The following RAB11FIP4 variants were observed in gnomAD, a reference collection of about 807,000 sequenced individuals.
The protein encoded by RAB11FIP4 is rab11 family-interacting protein 4.
A neutral mutation model predicts 74.3 loss-of-function variants in RAB11FIP4; 23 were observed. The ratio of observed to expected loss-of-function variants is 0.31; its 90% CI spans 0.22 to 0.44. RAB11FIP4 has a LOEUF of 0.44. RAB11FIP4 is among the 20% of genes least tolerant of loss of function. RAB11FIP4 has a pLI of 1.00. For missense variants in RAB11FIP4, 630 were observed against 863.9 expected (o/e 0.73, Z 3.39); for synonymous variants, 360 against 359.9 (o/e 1.00, Z 0.00).
rs66665633 is a variant in RAB11FIP4, at chr17:31,436,753, G to GT, written c.336+2641dup. ...TTTGTTGCTTTGGGTTTTGTTTTTT[G>GT]TTTTTTTTTTGTTTTTTTTTGTTTT... On this transcript the variant is annotated intron_variant, in intron 3 of 14. Coordinates refer to ENST00000621161, the MANE Select transcript of RAB11FIP4 (RefSeq NM_032932.6). Among the ~76,000 whole-genome samples, 97 of 145,990 alleles carry GT rather than the reference G, an allele frequency of 6.6e-4. 1 individual carries two copies. Among genetic ancestry groups the GT allele is most frequent in the Admixed American group, 2.2e-3 (32 of 14,746 alleles).
At chr17:31,521,437 G>A in intron 5 of RAB11FIP4, 77 bp downstream of exon 5, 2 of 1,313,478 alleles carry the variant, frequency 1.5e-6, no homozygotes, top group Non-Finnish European at 2.1e-6. Context: ...GGGGTGGGGG[G>A]GTGCGAGTCC....
Position 31,463,659 on chromosome 17 carries a change from AC to A in RAB11FIP4, c.336+29538del, listed in dbSNP as rs533405451. 4.1e-4 allele frequency among the ~76,000 whole-genome samples: 62 copies of A among 151,924 alleles called. 3 individuals carry two copies. In the South Asian group the frequency reaches 0.013, roughly 31 times the overall value. On this transcript the variant is annotated intron_variant, in intron 3 of 14. Coordinates refer to ENST00000621161, the MANE Select transcript of RAB11FIP4 (RefSeq NM_032932.6). ...GCTGGGATTACAGGCACCTGCCACC[AC>A]ACCTGGCTAATTTTTTGTATTTTTA...
At chr17:31,451,113 T>C (rs2071522947) in intron 3 of RAB11FIP4, among the ~76,000 whole-genome samples, 1 of 152,160 alleles carries the variant, frequency 6.6e-6, no homozygotes, top group African/African-American at 2.4e-5. Flanking sequence ...ATGGCCTGCA[T>C]TCTCTCTTGT....
chr17:31,408,761 A>G (rs1402222994), intron 1 of RAB11FIP4, among the ~76,000 whole-genome samples: 3 of 152,228 alleles, frequency 2.0e-5, no homozygotes, highest in Non-Finnish European at 4.4e-5. Flanking sequence ...GTGCTGGAAC[A>G]TTGGCCACAG....
chr17:31,402,139 T>C (rs2070992322), intron 1 of RAB11FIP4, among the ~76,000 whole-genome samples: 2 of 152,020 alleles, frequency 1.3e-5, no homozygotes, highest in African/African-American at 4.8e-5. Context: ...AGTCCACCCA[T>C]CTGTTTATCC....
chr17:31,517,191 C>CGGGGGGGGGGG (rs537395833), intron 3 of RAB11FIP4, among the ~76,000 whole-genome samples: 11 of 42,772 alleles, frequency 2.6e-4, no homozygotes, highest in South Asian at 6.7e-4. Context: ...GGAGGCGGTG[C>CGGGGGGGGGGG]GGGGGGGGGG....
At chr17:31,414,625 G>T (rs1295846131) in intron 1 of RAB11FIP4, among the ~76,000 whole-genome samples, 2 of 152,188 alleles carry the variant, frequency 1.3e-5, no homozygotes, top group Non-Finnish European at 2.9e-5. Context: ...CAGCTGTGGC[G>T]GCTGGGACAG....
At chr17:31,431,976 C>G (rs1008230844) in intron 2 of RAB11FIP4, 76 bp downstream of exon 2, 2 of 1,158,920 alleles carry the variant, frequency 1.7e-6, no homozygotes, top group Non-Finnish European at 2.5e-6. Context: ...GACTGGGGGC[C>G]CAGCCTGGAT....
At chr17:31,469,474 A>G (rs779978066) in intron 3 of RAB11FIP4, among the ~76,000 whole-genome samples, 2 of 152,098 alleles carry the variant, frequency 1.3e-5, no homozygotes, top group Non-Finnish European at 2.9e-5. Context: ...AATTTTAAAA[A>G]AAATGAGCTA....
At chr17:31,426,329 A>G (rs1235295906) in intron 1 of RAB11FIP4, among the ~76,000 whole-genome samples, 4 of 152,186 alleles carry the variant, frequency 2.6e-5, no homozygotes, top group Non-Finnish European at 5.9e-5. Context: ...GACTTTGTCT[A>G]AATGTCTTAC....
intron 3 of RAB11FIP4, among the ~76,000 whole-genome samples, chr17:31,470,545 C>A (rs1282417006): frequency 6.6e-6 from 1 of 152,188 alleles, no homozygotes. Context: ...ACAGGCCTGG[C>A]AGAAGCAGGA....
In RAB11FIP4 at chr17:31,533,664, T is replaced by C. The variant is rs759177462; in HGVS notation, c.*1932T>C. On this transcript the variant is annotated 3_prime_UTR_variant, in exon 15 of 15. Coordinates refer to ENST00000621161, the MANE Select transcript of RAB11FIP4 (RefSeq NM_032932.6). ...AAATGTTATCTGCCCTTTGGCTGCA[T>C]TGGAATTTCAGAGAAGGCTGCAGAG... 3.9e-5 allele frequency: 6 copies of C among 152,280 alleles called. No homozygotes were observed. The highest frequency in any genetic ancestry group is 1.3e-4 in the Admixed American group (2 of 15,288). The allele number at this position is 152,280 out of a possible 1,614,324, so 9.4% of individuals were successfully genotyped here.
intron 3 of RAB11FIP4, among the ~76,000 whole-genome samples, chr17:31,457,894 C>T (rs544281566): frequency 6.6e-6 from 1 of 152,264 alleles, no homozygotes; most frequent in East Asian, 1.9e-4. Flanking sequence ...CTATCTGCAC[C>T]CCATCTCTCT....
At chr17:31,494,730 GC>G (rs1168470778) in intron 3 of RAB11FIP4, among the ~76,000 whole-genome samples, 1 of 152,008 alleles carries the variant, frequency 6.6e-6, no homozygotes, top group African/African-American at 2.4e-5. Flanking sequence ...TCCCACCGCG[GC>G]CCCCCAAAGT....
chr17:31,522,465 C>T (rs2072686942), intron 7 of RAB11FIP4, 70 bp downstream of exon 7: 6 of 1,498,044 alleles, frequency 4.0e-6, no homozygotes, highest in African/African-American at 1.4e-5. Context: ...GGGCTCCCTG[C>T]CAGCAGCCCG....
intron 3 of RAB11FIP4, chr17:31,487,933 G>A (rs2071927317): frequency 3.2e-6 from 2 of 626,538 alleles, no homozygotes; most frequent in African/African-American, 4.0e-5. Context: ...CCGCGGCTCG[G>A]GTTCCGGGGC....
At chr17:31,467,135 T>G (rs563269205) in intron 3 of RAB11FIP4, among the ~76,000 whole-genome samples, 1 of 152,186 alleles carries the variant, frequency 6.6e-6, no homozygotes, top group Non-Finnish European at 1.5e-5. Flanking sequence ...TTTTTTGAGA[T>G]GGAGTCTTGC....
intron 3 of RAB11FIP4, among the ~76,000 whole-genome samples, chr17:31,485,011 G>A (rs565452853): frequency 2.0e-5 from 3 of 152,234 alleles, no homozygotes; most frequent in Non-Finnish European, 2.9e-5. Flanking sequence ...GAACCAGTGC[G>A]TCAGACTGCA....
At chr17:31,435,150 C>T (rs1018766638) in intron 3 of RAB11FIP4, among the ~76,000 whole-genome samples, 1 of 152,234 alleles carries the variant, frequency 6.6e-6, no homozygotes, top group Non-Finnish European at 1.5e-5. Flanking sequence ...TGTGCTACTG[C>T]ACTCCAGCCA....
Sources: gnomAD v4.1 joint callset for allele counts (sites outside exome capture counted in the v4.1 genomes callset) on GRCh38, gnomAD v4.1.1 for gene constraint, MANE v1.5 for transcripts, NCBI Gene and HGNC (gene_info 2026-07-23, HGNC 2026-07-21) for gene names.